The following C2CD4C variants were observed in gnomAD, a reference collection of about 807,000 sequenced individuals.
C2CD4C encodes C2 calcium-dependent domain-containing protein 4C.
Under a neutral mutation model 4.1 loss-of-function variants are expected in C2CD4C, and 3 were observed. The ratio of observed to expected loss-of-function variants is 0.73; its 90% CI spans 0.33 to 1.88. The LOEUF (loss-of-function observed/expected upper bound fraction) is 1.88. C2CD4C is among the 40% of genes most tolerant of loss of function. The pLI is 0.08. For synonymous variants in C2CD4C, 364 were observed against 290.4 expected (o/e 1.25, Z -2.57); for missense variants, 664 against 621.5 (o/e 1.07, Z -0.73).
Position 407,669 on chromosome 19 carries a change from C to T in C2CD4C, c.693G>A (p.Leu231=). The T allele has an allele frequency of 1.3e-6, 2 of 1,529,234 alleles. No homozygotes were observed. Among genetic ancestry groups the T allele is most frequent in the Non-Finnish European group, 1.8e-6 (2 of 1,137,298 alleles). The allele number at this position is 1,529,234 out of a possible 1,614,324, so 94.7% of individuals were successfully genotyped here. Residue 231 remains leucine (L), a synonymous_variant, in exon 2 of 2, where the codon CTG becomes CTA. Coordinates refer to ENST00000332235, the MANE Select transcript of C2CD4C (RefSeq NM_001136263.2). The part of the protein sequence containing the change: ...SAESSPFGSP[L]LSRSVSLLKG... The stretch of plus-strand genomic sequence containing the variant: ...TGAGCAGAGACACGGAGCGGGACAG[C>T]AGAGGGGACCCGAAGGGGGAGGACT...
chr19:405,624 CG>C lies in C2CD4C; in HGVS notation c.*1471del, dbSNP rs1973969524. The C allele has an allele frequency of 6.6e-6, 1 of 152,062 alleles. No individual in the cohort carries two copies. The highest frequency in any genetic ancestry group is 2.1e-4 in the South Asian group (1 of 4,826). 9.4% of individuals were successfully genotyped at this position (152,062 alleles called of 1,614,324 possible). ...TGGGAGGGGTGAGCATCAGAGAAGG[CG>C]GGGAGCGCCGGCGTCTCTCTCCATG... On this transcript the variant is annotated 3_prime_UTR_variant, in exon 2 of 2. Coordinates refer to ENST00000332235, the MANE Select transcript of C2CD4C (RefSeq NM_001136263.2).
In C2CD4C at chr19:408,409, G is replaced by A; in HGVS notation, c.-40-8C>T. The A allele has an allele frequency of 2.0e-6, 3 of 1,501,646 alleles. No individual in the cohort carries two copies. Among genetic ancestry groups the A allele is most frequent in the Non-Finnish European group, 2.7e-6 (3 of 1,120,658 alleles). The allele number at this position is 1,501,646 out of a possible 1,614,324, so 93.0% of individuals were successfully genotyped here. Reference sequence around the variant, plus strand: ...GGACAGGGGCTGCAGCGTCTGGGAAGAGAAGCAGGGGTCAGGAGCAGTGGG... The same window carrying A: ...GGACAGGGGCTGCAGCGTCTGGGAAAAGAAGCAGGGGTCAGGAGCAGTGGG... On this transcript the variant is annotated splice_polypyrimidine_tract_variant and splice_region_variant and intron_variant, in intron 1 of 1. Transcript: ENST00000332235.
In C2CD4C at chr19:407,384, C is replaced by T; in HGVS notation, c.978G>A (p.Leu326=). The T allele has an allele frequency of 1.3e-6, 2 of 1,538,724 alleles. No individual in the cohort carries two copies. Among genetic ancestry groups the T allele is most frequent in the Non-Finnish European group, 1.7e-6 (2 of 1,145,448 alleles). ...GGTCGTAGAGGCCCTCGGCGGCCAG[C>T]AGGTGCACCCGCAGGCGGGCCTGGC... ...EAGQARLRVH[L]LAAEGLYDRL... Residue 326 remains leucine (L), a synonymous_variant, in exon 2 of 2, where the codon CTG becomes CTA. Transcript: ENST00000332235.
At position 407,594 on chromosome 19, in the gene C2CD4C, G is replaced by A. The variant is rs1476243963; in HGVS notation, c.768C>T (p.Ser256=). The A allele has an allele frequency of 2.4e-5, 35 of 1,434,656 alleles. No individual in the cohort carries two copies. Among genetic ancestry groups the A allele is most frequent in the Admixed American group, 8.9e-5 (3 of 33,662 alleles). 88.9% of individuals were successfully genotyped at this position (1,434,656 alleles called of 1,614,324 possible). ...SQAKVSQLRH[S]VGRHGSLSAD... is the part of the protein sequence containing the mutation. ...CAGACAGGGAGCCGTGGCGGCCCAC[G>A]GAGTGCCGGAGCTGGCTCACCTTGG... Residue 256 remains serine (S), a synonymous_variant, in exon 2 of 2, where the codon TCC becomes TCT. Coordinates refer to ENST00000332235, the MANE Select transcript of C2CD4C (RefSeq NM_001136263.2).
At position 407,517 on chromosome 19, in the gene C2CD4C, C is replaced by A; in HGVS notation, c.845G>T (p.Arg282Leu). ...GGGGCCAGGTTCCGGGGGTGCCCGGCGGGTCAGGCGGCGCCGGCTCCCGGG... is the reference window on the plus strand; with the variant it reads ...GGGGCCAGGTTCCGGGGGTGCCCGGAGGGTCAGGCGGCGCCGGCTCCCGGG... ...ASPGSRRRLTRRAPPEPGPES... is the reference protein window; with the variant it reads ...ASPGSRRRLTLRAPPEPGPES... The change falls in exon 2 of 2, where the codon CGC becomes CTC. Residue 282 changes from arginine to leucine, a missense_variant. Physicochemically the swap from Arg to Leu is moderately radical, Grantham distance 102. Transcript: ENST00000332235. The A allele has an allele frequency of 5.8e-6, 8 of 1,380,192 alleles. No individual in the cohort carries two copies. The highest frequency in any genetic ancestry group is 1.7e-5 in the South Asian group (1 of 59,312). The allele number at this position is 1,380,192 out of a possible 1,614,324, so 85.5% of individuals were successfully genotyped here. A position where few individuals can be genotyped will look rare whatever the true frequency, so the allele number is the denominator to read the frequency against.
Position 407,007 on chromosome 19 carries a change from G to T in C2CD4C, c.*89C>A. 19 of 648,890 alleles carry T rather than the reference G, an allele frequency of 2.9e-5. No homozygotes were observed. Among genetic ancestry groups the T allele is most frequent in the Non-Finnish European group, 4.2e-5 (18 of 424,078 alleles). The allele number at this position is 648,890 out of a possible 1,614,324, so 40.2% of individuals were successfully genotyped here. A position where few individuals can be genotyped will look rare whatever the true frequency, so the allele number is the denominator to read the frequency against. On this transcript the variant is annotated 3_prime_UTR_variant, in exon 2 of 2. Coordinates refer to ENST00000332235, the MANE Select transcript of C2CD4C (RefSeq NM_001136263.2). ...CCCTCCCCGGCCAGCCCCAGCCCAA[G>T]CCAGCGGACCCGCCCGCCAGCACCC...
Position 406,292 on chromosome 19 carries a change from T to A in C2CD4C, c.*804A>T, listed in dbSNP as rs892505881. ...GGGCCATAGGGCTGCTCTCTGGGCA[T>A]CTCTGAGCAAGACCCTCCGGCGCCA... is the stretch of plus-strand genomic sequence containing the variant. On this transcript the variant is annotated 3_prime_UTR_variant, in exon 2 of 2. Transcript: ENST00000332235. 6.6e-6 allele frequency: 1 copy of A among 152,188 alleles called. No individual in the cohort carries two copies. The highest frequency in any genetic ancestry group is 1.5e-5 in the Non-Finnish European group (1 of 68,038). 9.4% of individuals were successfully genotyped at this position (152,188 alleles called of 1,614,324 possible).
chr19:405,513 G>A lies in C2CD4C; in HGVS notation c.*1583C>T, dbSNP rs1296710661. The A allele has an allele frequency of 1.3e-5, 2 of 152,158 alleles. No individual in the cohort carries two copies. The highest frequency in any genetic ancestry group is 2.9e-5 in the Non-Finnish European group (2 of 68,032). 9.4% of individuals were successfully genotyped at this position (152,158 alleles called of 1,614,324 possible). On this transcript the variant is annotated 3_prime_UTR_variant, in exon 2 of 2. Coordinates refer to ENST00000332235, the MANE Select transcript of C2CD4C (RefSeq NM_001136263.2). Reference sequence around the variant, plus strand: ...AAACACAGCTGGGGAGTGTCTTAAAGATTTACCCACAGTCAACCTCAGACA... The same window carrying A: ...AAACACAGCTGGGGAGTGTCTTAAAAATTTACCCACAGTCAACCTCAGACA...
At position 406,994 on chromosome 19, in the gene C2CD4C, A is replaced by ACCCCCC; in HGVS notation, c.*101_*102insGGGGGG. ...CCTGAGTGTGAGCCCCTCCCCGGCC[A>ACCCCCC]GCCCCAGCCCAAGCCAGCGGACCCG... On this transcript the variant is annotated 3_prime_UTR_variant, in exon 2 of 2. Transcript: ENST00000332235. The ACCCCCC allele has an allele frequency of 1.9e-6, 1 of 538,990 alleles. No homozygotes were observed. Among genetic ancestry groups the ACCCCCC allele is most frequent in the Non-Finnish European group, 3.0e-6 (1 of 328,610 alleles). 33.4% of individuals were successfully genotyped at this position (538,990 alleles called of 1,614,324 possible). A position where few individuals can be genotyped will look rare whatever the true frequency, so the allele number is the denominator to read the frequency against.
At position 406,510 on chromosome 19, in the gene C2CD4C, G is replaced by T. The variant is rs1433271746; in HGVS notation, c.*586C>A. ...TCGCCTGGCCCCACTCCCCACCGGA[G>T]CCTGGGAAGCTGGGGTCTCCCAGAG... On this transcript the variant is annotated 3_prime_UTR_variant, in exon 2 of 2. Coordinates refer to ENST00000332235, the MANE Select transcript of C2CD4C (RefSeq NM_001136263.2). The T allele has an allele frequency of 6.6e-6, 1 of 152,468 alleles. No homozygotes were observed. Among genetic ancestry groups the T allele is most frequent in the Non-Finnish European group, 1.5e-5 (1 of 68,164 alleles). 9.4% of individuals were successfully genotyped at this position (152,468 alleles called of 1,614,324 possible). A position where few individuals can be genotyped will look rare whatever the true frequency, so the allele number is the denominator to read the frequency against.
In C2CD4C at chr19:407,060, C is replaced by A; in HGVS notation, c.*36G>T. 1 of 1,511,068 alleles carries A rather than the reference C, an allele frequency of 6.6e-7. No individual in the cohort carries two copies. Among genetic ancestry groups the A allele is most frequent in the South Asian group, 1.3e-5 (1 of 78,464 alleles). 93.6% of individuals were successfully genotyped at this position (1,511,068 alleles called of 1,614,324 possible). ...TGTGGAGGAGAGACCGGGGTCTGCCCTCTGCACCCGAGCGGACAGCGAGCA... is the reference window on the plus strand; with the variant it reads ...TGTGGAGGAGAGACCGGGGTCTGCCATCTGCACCCGAGCGGACAGCGAGCA... On this transcript the variant is annotated 3_prime_UTR_variant, in exon 2 of 2. Transcript: ENST00000332235.
chr19:407,573 C>T lies in C2CD4C; in HGVS notation c.789G>A (p.Leu263=). The T allele has an allele frequency of 2.8e-6, 4 of 1,423,182 alleles. No homozygotes were observed. The highest frequency in any genetic ancestry group is 3.7e-6 in the Non-Finnish European group (4 of 1,087,928). The allele number at this position is 1,423,182 out of a possible 1,614,324, so 88.2% of individuals were successfully genotyped here. A position where few individuals can be genotyped will look rare whatever the true frequency, so the allele number is the denominator to read the frequency against. The change falls in exon 2 of 2, where the codon CTG becomes CTA. Residue 263 remains leucine (L), a synonymous_variant. Coordinates refer to ENST00000332235, the MANE Select transcript of C2CD4C (RefSeq NM_001136263.2). The stretch of plus-strand genomic sequence containing the variant: ...CGTCCGGGGTGCTGTCGTCCGCAGA[C>T]AGGGAGCCGTGGCGGCCCACGGAGT... ...LRHSVGRHGS[L]SADDSTPDAS...
In C2CD4C at chr19:406,985, T is replaced by TACCCCCCC; in HGVS notation, c.*110_*111insGGGGGGGT. The TACCCCCCC allele has an allele frequency of 3.2e-6, 2 of 616,492 alleles. No homozygotes were observed. Among genetic ancestry groups the TACCCCCCC allele is most frequent in the East Asian group, 3.8e-5 (1 of 26,046 alleles). 38.2% of individuals were successfully genotyped at this position (616,492 alleles called of 1,614,324 possible). A position where few individuals can be genotyped will look rare whatever the true frequency, so the allele number is the denominator to read the frequency against. On this transcript the variant is annotated 3_prime_UTR_variant, in exon 2 of 2. Transcript: ENST00000332235. ...CCAGCCCAGCCTGAGTGTGAGCCCC[T>TACCCCCCC]CCCCGGCCAGCCCCAGCCCAAGCCA... is the stretch of plus-strand genomic sequence containing the variant.
Position 408,188 on chromosome 19 carries a change from CG to C in C2CD4C, c.173del (p.Ser58TrpfsTer47). 2.8e-6 allele frequency: 4 copies of C among 1,451,930 alleles called. No homozygotes were observed. Among genetic ancestry groups the C allele is most frequent in the Non-Finnish European group, 3.6e-6 (4 of 1,102,240 alleles). 89.9% of individuals were successfully genotyped at this position (1,451,930 alleles called of 1,614,324 possible). ...PDFFIPPKLPSGPAEGEGQAA... is the reference protein window; with the variant it reads ...PDFFIPPKLPXGPAEGEGQAA... ...CCTGTCCCTCGCCCTCCGCGGGGCCCGAGGGCAGCTTGGGGGGGATGAAAAA... is the reference window on the plus strand; with the variant it reads ...CCTGTCCCTCGCCCTCCGCGGGGCCCAGGGCAGCTTGGGGGGGATGAAAAA... On this transcript the variant is annotated frameshift_variant, in exon 2 of 2. Coordinates refer to ENST00000332235, the MANE Select transcript of C2CD4C (RefSeq NM_001136263.2). LOFTEE classifies it low-confidence loss of function (END_TRUNC).
Position 407,491 on chromosome 19 carries a change from C to G in C2CD4C, c.871G>C (p.Glu291Gln), listed in dbSNP as rs1197790338. ...TGCTCCCCACGCGCCTGGCCCGACT[C>G]GGGGCCAGGTTCCGGGGGTGCCCGG... ...TRRAPPEPGP[E>Q]SGQARGEHTV... Residue 291 changes from glutamate to glutamine, a missense_variant, in exon 2 of 2, where the codon GAG (glutamate) becomes CAG (glutamine). Physicochemically the swap from Glu to Gln is conservative, Grantham distance 29. Transcript: ENST00000332235. 2.2e-6 allele frequency: 3 copies of G among 1,380,274 alleles called. No homozygotes were observed. The highest frequency in any genetic ancestry group is 3.3e-5 in the South Asian group (2 of 60,402). The allele number at this position is 1,380,274 out of a possible 1,614,324, so 85.5% of individuals were successfully genotyped here. A position where few individuals can be genotyped will look rare whatever the true frequency, so the allele number is the denominator to read the frequency against.
chr19:407,520 G>A lies in C2CD4C; in HGVS notation c.842C>T (p.Thr281Ile). ...DASPGSRRRLTRRAPPEPGPE... is the reference protein window; with the variant it reads ...DASPGSRRRLIRRAPPEPGPE... ...GCCAGGTTCCGGGGGTGCCCGGCGG[G>A]TCAGGCGGCGCCGGCTCCCGGGGCT... Residue 281 changes from threonine (T) to isoleucine (I), a missense_variant, in exon 2 of 2, where the codon ACC becomes ATC. Physicochemically the swap from Thr to Ile is moderately conservative, Grantham distance 89. Transcript: ENST00000332235. 4.3e-6 allele frequency: 6 copies of A among 1,380,718 alleles called. No individual in the cohort carries two copies. The highest frequency in any genetic ancestry group is 5.6e-6 in the Non-Finnish European group (6 of 1,069,194). 85.5% of individuals were successfully genotyped at this position (1,380,718 alleles called of 1,614,324 possible). A position where few individuals can be genotyped will look rare whatever the true frequency, so the allele number is the denominator to read the frequency against.
Position 408,255 on chromosome 19 carries a change from G to C in C2CD4C, c.107C>G (p.Pro36Arg), listed in dbSNP as rs1035827052. ...GGGCGTCAACACATTGCTGTACAGG[G>C]GCCCCTTGGAGGCCTTGTCCCCCGC... ...SEAGDKASKG[P>R]LYSNVLTPDK... Residue 36 changes from proline (P) to arginine (R), a missense_variant, in exon 2 of 2, where the codon CCC (proline) becomes CGC (arginine). Coordinates refer to ENST00000332235, the MANE Select transcript of C2CD4C (RefSeq NM_001136263.2). The C allele has an allele frequency of 1.3e-6, 2 of 1,504,966 alleles. No homozygotes were observed. 93.2% of individuals were successfully genotyped at this position (1,504,966 alleles called of 1,614,324 possible). A position where few individuals can be genotyped will look rare whatever the true frequency, so the allele number is the denominator to read the frequency against.
Position 406,022 on chromosome 19 carries a change from A to C in C2CD4C, c.*1074T>G, listed in dbSNP as rs956961007. 1 of 152,116 alleles carries C rather than the reference A, an allele frequency of 6.6e-6. No individual in the cohort carries two copies. The highest frequency in any genetic ancestry group is 1.5e-5 in the Non-Finnish European group (1 of 68,054). The allele number at this position is 152,116 out of a possible 1,614,324, so 9.4% of individuals were successfully genotyped here. A position where few individuals can be genotyped will look rare whatever the true frequency, so the allele number is the denominator to read the frequency against. ...CATTTCTGCATCATTCTGAGCTGGA[A>C]ACCTCCCCAAAATCATTCAAGGACC... On this transcript the variant is annotated 3_prime_UTR_variant, in exon 2 of 2. Coordinates refer to ENST00000332235, the MANE Select transcript of C2CD4C (RefSeq NM_001136263.2).
Position 406,742 on chromosome 19 carries a change from CCCTGAGAACCT to C in C2CD4C, c.*343_*353del. 1 of 224,868 alleles carries C rather than the reference CCCTGAGAACCT, an allele frequency of 4.4e-6. No homozygotes were observed. Among genetic ancestry groups the C allele is most frequent in the South Asian group, 1.0e-4 (1 of 9,592 alleles). The allele number at this position is 224,868 out of a possible 1,614,324, so 13.9% of individuals were successfully genotyped here. A position where few individuals can be genotyped will look rare whatever the true frequency, so the allele number is the denominator to read the frequency against. On this transcript the variant is annotated 3_prime_UTR_variant, in exon 2 of 2. Transcript: ENST00000332235. ...TGGCCACATGCACGGATTCCTGAAC[CCCTGAGAACCT>C]CCTTCTAGAACTCTGCGTGAAAGGC...
Sources: allele counts gnomAD v4.1 joint callset, GRCh38; gene constraint gnomAD v4.1.1; transcripts MANE v1.5; gene names NCBI Gene and HGNC (gene_info 2026-07-23, HGNC 2026-07-21).